The following SLC5A11 variants were observed in gnomAD, a reference collection of about 807,000 sequenced individuals.
SLC5A11 encodes the protein sodium/myo-inositol cotransporter 2.
A neutral mutation model predicts 69.8 loss-of-function variants in SLC5A11; 48 were observed. The ratio of observed to expected loss-of-function variants is 0.69; its 90% CI spans 0.55 to 0.87. SLC5A11 has a LOEUF of 0.87. Among genes scored for constraint, SLC5A11 ranks in the 40% least tolerant of loss-of-function variants. The pLI, the probability that SLC5A11 is intolerant of heterozygous loss-of-function variation, is 0.00. For synonymous variants in SLC5A11, 319 were observed against 342.4 expected, an observed-to-expected ratio of 0.93 and a Z score of 0.75; for missense variants, 784 against 866.1, an observed-to-expected ratio of 0.91 and a Z score of 1.19.
chr16:24,868,467 C>T (rs1481579802), intron 3 of SLC5A11, among the ~76,000 whole-genome samples: 10 of 150,496 alleles, frequency 6.6e-5, no homozygotes, highest in East Asian at 5.9e-4. Context: ...GGCGTGGTGG[C>T]GGGCGCCTGT....
At chr16:24,849,735 T>C (rs189055093) in intron 1 of SLC5A11, among the ~76,000 whole-genome samples, 2 of 150,412 alleles carry the variant, frequency 1.3e-5, no homozygotes, top group Non-Finnish European at 3.0e-5. Context: ...GAAAGGCAGG[T>C]GAAGGACAAC....
At chr16:24,869,792 C>T in intron 3 of SLC5A11, 109 bp from the exon 5 acceptor site, 2 of 736,952 alleles carry the variant, frequency 2.7e-6, no homozygotes, top group Non-Finnish European at 4.6e-6. Flanking sequence ...GTGGCCCTGC[C>T]TTCCTCTACT....
In SLC5A11 at chr16:24,892,444, T is replaced by TAAA. The variant is rs59511866; in HGVS notation, c.870+1383_870+1385dup. Among the ~76,000 whole-genome samples the TAAA allele has an allele frequency of 8.2e-3, 1,150 of 140,956 alleles. 11 individuals are homozygous for TAAA. Among genetic ancestry groups the TAAA allele is most frequent in the African/African-American group, 0.02 (764 of 38,448 alleles). The allele number at this position is 140,956 out of a possible 152,430, so 92.5% of individuals were successfully genotyped here. ...ATGTGTACAAGAAGTCCTTTTGTGT[T>TAAA]AAAAAAAAAAAAAAAGGAGAATAGA... On this transcript the variant is annotated intron_variant, in intron 9 of 15. Transcript: ENST00000347898.
At chr16:24,871,950 C>T (rs2047329178) in intron 4 of SLC5A11, among the ~76,000 whole-genome samples, 1 of 152,132 alleles carries the variant, frequency 6.6e-6, no homozygotes. Context: ...TCGCAAAGGC[C>T]TTCTTTTTCC....
chr16:24,890,452 C>T (rs1462687306), intron 8 of SLC5A11, among the ~76,000 whole-genome samples: 2 of 120,740 alleles, frequency 1.7e-5, no homozygotes, highest in East Asian at 2.6e-4. Flanking sequence ...CTACTACACT[C>T]CAGCCTTGGT....
At chr16:24,888,985 C>T (rs1276079062) in intron 8 of SLC5A11, among the ~76,000 whole-genome samples, 1 of 147,704 alleles carries the variant, frequency 6.8e-6, no homozygotes, top group Middle Eastern at 3.7e-3. Flanking sequence ...TTAGTAGAGA[C>T]AGGGTTTCCC....
chr16:24,893,324 C>T (rs2048940680), intron 9 of SLC5A11, among the ~76,000 whole-genome samples: 1 of 151,148 alleles, frequency 6.6e-6, no homozygotes, highest in Admixed American at 6.6e-5. Flanking sequence ...TTATGCCGGG[C>T]ACAGTGACTC....
At chr16:24,863,382 AG>A (rs1452260162) in intron 3 of SLC5A11, among the ~76,000 whole-genome samples, 1 of 151,946 alleles carries the variant, frequency 6.6e-6, no homozygotes, top group African/African-American at 2.4e-5. Context: ...GGCCTAGCCC[AG>A]GGTTTTGTGG....
chr16:24,908,190 T>C lies in SLC5A11; in HGVS notation c.1434+59T>C, dbSNP rs548832297. The C allele has an allele frequency of 1.5e-5, 23 of 1,509,382 alleles. No individual in the cohort carries two copies. The African/African-American group carries it at 1.5e-4, about 10-fold the overall frequency. The allele number at this position is 1,509,382 out of a possible 1,614,324, so 93.5% of individuals were successfully genotyped here. On this transcript the variant is annotated intron_variant, in intron 13 of 15. Transcript: ENST00000347898. ...AAGTGCTGCCCCTTGAGGACTGGGA[T>C]AGGATGGGAGGGGAGGGTGTTGGAG...
At chr16:24,910,231 G>A in intron 14 of SLC5A11, 75 bp from the exon 16 acceptor site, 1 of 1,476,760 alleles carries the variant, frequency 6.8e-7, no homozygotes, top group Non-Finnish European at 9.3e-7. Context: ...GGGTTGGGTG[G>A]GGAGTGTGAG....
At chr16:24,898,547 C>T (rs1229427454) in intron 10 of SLC5A11, among the ~76,000 whole-genome samples, 1 of 146,660 alleles carries the variant, frequency 6.8e-6, no homozygotes, top group Non-Finnish European at 1.5e-5. Flanking sequence ...GAGACGGAGT[C>T]TTGCACTGTC....
At chr16:24,911,170 A>T (rs951077854) in intron 15 of SLC5A11, among the ~76,000 whole-genome samples, 158 bp from the exon 17 acceptor site, 2 of 150,494 alleles carry the variant, frequency 1.3e-5, no homozygotes, top group African/African-American at 4.9e-5. Context: ...CTCTCTCAAA[A>T]AAAAAAAAAA....
exon 8 of SLC5A11, chr16:24,884,100 G>C (rs773434770): frequency 1.9e-6 from 3 of 1,614,086 alleles, no homozygotes; most frequent in Non-Finnish European, 2.5e-6. Flanking sequence ...CGCTGATCAT[G>C]CTTATAGGAG....
At chr16:24,895,442 T>C (rs1381955914) in intron 9 of SLC5A11, among the ~76,000 whole-genome samples, 1 of 149,480 alleles carries the variant, frequency 6.7e-6, no homozygotes, top group Non-Finnish European at 1.5e-5. Context: ...TGAGCAGAGA[T>C]CCCAGCACTG....
chr16:24,875,757 C>T (rs1198815186), intron 6 of SLC5A11, 26 bp downstream of exon 7: 3 of 1,573,270 alleles, frequency 1.9e-6, no homozygotes, highest in Non-Finnish European at 2.6e-6. Context: ...AGCCTGGCCT[C>T]ACCCATGCAG....
rs1171814653 is a variant in SLC5A11 at position 24,890,483 on chromosome 16, C to CAAAAA, written c.665-358_665-354dup. On this transcript the variant is annotated intron_variant, in intron 8 of 15. Transcript: ENST00000347898. ...TTGGTGACAGAGCAAGACTTCATATCAAAAAAAAAAAAAAAAAAAAAAAAA... is the reference window on the plus strand; with the variant it reads ...TTGGTGACAGAGCAAGACTTCATATCAAAAAAAAAAAAAAAAAAAAAAAAAAAAAA... 7.5e-4 allele frequency among the ~76,000 whole-genome samples: 58 copies of CAAAAA among 77,478 alleles called. 1 individual carries two copies. Among genetic ancestry groups the CAAAAA allele is most frequent in the African/African-American group, 2.0e-3 (32 of 16,050 alleles). The allele number at this position is 77,478 out of a possible 152,430, so 50.8% of individuals were successfully genotyped here.
At chr16:24,858,827 T>A (rs765715527) in intron 2 of SLC5A11, 49 bp downstream of exon 3, 4 of 1,579,222 alleles carry the variant, frequency 2.5e-6, no homozygotes, top group Non-Finnish European at 3.4e-6. Flanking sequence ...AGGAAATGTC[T>A]GTTTAGAGGT....
rs1329231400 is a variant in SLC5A11 at position 24,855,487 on chromosome 16, G to A, written c.-24-3133G>A. ...GCATGGTGGTGCATCTATAGTGCCA[G>A]CTAATTGGGAGGCTGAGGCAGGAGG... is the stretch of plus-strand genomic sequence containing the variant. On this transcript the variant is annotated intron_variant, in intron 1 of 15. Transcript: ENST00000347898. Among the ~76,000 whole-genome samples the A allele has an allele frequency of 2.0e-5, 3 of 151,112 alleles. No homozygotes were observed. The East Asian group carries it at 5.8e-4, about 29-fold the overall frequency.
At chr16:24,862,572 C>T (rs749435469) in intron 2 of SLC5A11, 29 bp from the exon 4 acceptor site, 7 of 1,597,426 alleles carry the variant, frequency 4.4e-6, no homozygotes, top group Non-Finnish European at 4.3e-6. Context: ...AACGTCTTCC[C>T]TCACCCACCT....
Sources: allele counts gnomAD v4.1 joint callset (sites outside exome capture counted in the v4.1 genomes callset), GRCh38; gene constraint gnomAD v4.1.1; transcripts MANE v1.5; gene names NCBI Gene and HGNC (gene_info 2026-07-23, HGNC 2026-07-21).